The following GPHN variants were observed in gnomAD, a reference collection of about 807,000 sequenced individuals.
GPHN encodes gephyrin.
Under a neutral mutation model 95.5 loss-of-function variants are expected in GPHN, and 17 were observed. That is an observed-to-expected ratio of 0.18 (90% CI 0.12 to 0.27). The LOEUF (loss-of-function observed/expected upper bound fraction) is 0.27. Ranked by LOEUF, GPHN falls within the 10% of genes least tolerant of loss-of-function variation. GPHN has a pLI of 1.00. For missense variants in GPHN, 660 were observed against 978.1 expected (o/e 0.67, Z 4.34); for synonymous variants, 320 against 322.5 (o/e 0.99, Z 0.08).
intron 2 of GPHN, among the ~76,000 whole-genome samples, chr14:66,688,458 G>C (rs1381472515): frequency 6.6e-6 from 1 of 152,212 alleles, no homozygotes; most frequent in African/African-American, 2.4e-5. Context: ...GTATGTAGCT[G>C]CCATAAAATG....
chr14:67,295,274 C>T, the GPHN span, among the ~76,000 whole-genome samples: 2 of 151,586 alleles, frequency 1.3e-5, no homozygotes, highest in African/African-American at 2.4e-5. Flanking sequence ...CATTTGAGGT[C>T]AGGAGTTCAA....
chr14:67,366,408 G>A, the GPHN span, among the ~76,000 whole-genome samples: 2 of 152,242 alleles, frequency 1.3e-5, no homozygotes, highest in Non-Finnish European at 2.9e-5. Context: ...ACAAAAGGAG[G>A]AATCAAATAT....
At chr14:67,198,085 TATG>T in the GPHN span, 5 of 1,524,904 alleles carry the variant, frequency 3.3e-6, no homozygotes, top group Non-Finnish European at 4.4e-6. Flanking sequence ...GCAACTTAAT[TATG>T]ATATTAAATT....
chr14:67,276,981 C>T, the GPHN span, among the ~76,000 whole-genome samples: 1 of 152,020 alleles, frequency 6.6e-6, no homozygotes, highest in Non-Finnish European at 1.5e-5. Context: ...TTTTTAATAT[C>T]CAGTAATTGT....
chr14:67,199,248 GT>G, the GPHN span: 6 of 1,600,448 alleles, frequency 3.7e-6, no homozygotes, highest in Admixed American at 8.3e-5. Flanking sequence ...GAATTCTTGA[GT>G]GAGGATGATG....
chr14:67,353,107 C>T, the GPHN span: 21 of 1,226,850 alleles, frequency 1.7e-5, no homozygotes, highest in Non-Finnish European at 2.3e-5. Context: ...AAACCCTCCC[C>T]ACCAGTGTTA....
intron 3 of GPHN, among the ~76,000 whole-genome samples, chr14:66,821,960 T>C (rs1352345051): frequency 6.6e-6 from 1 of 152,184 alleles, no homozygotes; most frequent in African/African-American, 2.4e-5. Context: ...TTTTGTTTGT[T>C]TGTTTGTTCG....
At chr14:66,662,488 G>T (rs1286324078) in intron 1 of GPHN, among the ~76,000 whole-genome samples, 1 of 151,964 alleles carries the variant, frequency 6.6e-6, no homozygotes, top group Non-Finnish European at 1.5e-5. Context: ...CAGCCTCAAA[G>T]ATTGAAGGTA....
At chr14:66,751,748 A>G (rs1319815666) in intron 2 of GPHN, among the ~76,000 whole-genome samples, 1 of 152,062 alleles carries the variant, frequency 6.6e-6, no homozygotes, top group Non-Finnish European at 1.5e-5. Context: ...GTATTTTCAG[A>G]ATGGTCAATG....
At chr14:66,822,905 A>G (rs2061253862) in intron 3 of GPHN, among the ~76,000 whole-genome samples, 1 of 152,196 alleles carries the variant, frequency 6.6e-6, no homozygotes, top group Non-Finnish European at 1.5e-5. Context: ...AAGGAATGTT[A>G]CAAAGAGATC....
the GPHN span, among the ~76,000 whole-genome samples, chr14:67,277,123 C>G: frequency 6.6e-6 from 1 of 152,280 alleles, no homozygotes; most frequent in East Asian, 1.9e-4. Flanking sequence ...ATTTAAAAAG[C>G]TGAATTTGCA....
chr14:67,507,321 C>T, the GPHN span, among the ~76,000 whole-genome samples: 1 of 152,042 alleles, frequency 6.6e-6, no homozygotes, highest in African/African-American at 2.4e-5. Context: ...TGCACTCCAG[C>T]CTGGGTGACA....
chr14:67,303,519 C>A, the GPHN span: 1 of 1,607,876 alleles, frequency 6.2e-7, no homozygotes, highest in Non-Finnish European at 8.5e-7. Context: ...CTTTCTATTA[C>A]AGTCTGATAT....
the GPHN span, chr14:67,569,660 A>G: frequency 1.9e-6 from 1 of 530,136 alleles, no homozygotes; most frequent in African/African-American, 1.9e-5. Flanking sequence ...GCAACAGTGG[A>G]ACACTGTGCA....
chr14:66,572,443 G>A (rs2060732319), intron 1 of GPHN, among the ~76,000 whole-genome samples: 1 of 151,796 alleles, frequency 6.6e-6, no homozygotes. Context: ...GTACTTTTCA[G>A]TGTGCAGATT....
intron 3 of GPHN, among the ~76,000 whole-genome samples, chr14:66,810,911 T>C (rs530037800): frequency 6.6e-6 from 1 of 152,330 alleles, no homozygotes; most frequent in African/African-American, 2.4e-5. Flanking sequence ...TTCTGTTACC[T>C]CTGCTTCTAC....
the GPHN span, among the ~76,000 whole-genome samples, chr14:67,376,081 G>A: frequency 6.6e-6 from 1 of 152,160 alleles, no homozygotes; most frequent in Non-Finnish European, 1.5e-5. Context: ...TCTCTCCTCA[G>A]GGAGTAATAA....
chr14:67,482,656 A>G, the GPHN span, among the ~76,000 whole-genome samples: 1 of 152,204 alleles, frequency 6.6e-6, no homozygotes, highest in African/African-American at 2.4e-5. Flanking sequence ...AAGTGGCTTC[A>G]ATGAGGAAAG....
chr14:66,896,942 T>C (rs2064884336), intron 5 of GPHN, among the ~76,000 whole-genome samples: 1 of 152,184 alleles, frequency 6.6e-6, no homozygotes, highest in Non-Finnish European at 1.5e-5. Context: ...TATTCAAACT[T>C]GATAAACATG....
Sources: gnomAD v4.1 joint callset for allele counts (sites outside exome capture counted in the v4.1 genomes callset) on GRCh38, gnomAD v4.1.1 for gene constraint, MANE v1.5 for transcripts, NCBI Gene and HGNC (gene_info 2026-07-23, HGNC 2026-07-21) for gene names.